Variants in ABHD17A observed in about 807,000 individuals in gnomAD.
ABHD17A encodes alpha/beta hydrolase domain-containing protein 17A.
ABHD17A carries 10 observed loss-of-function variants against 26.8 expected under a neutral mutation model. The observed-to-expected ratio is 0.37, with a 90% confidence interval of 0.23 to 0.63. The LOEUF is 0.63. Among genes scored for constraint, ABHD17A ranks in the 30% least tolerant of loss-of-function variants. ABHD17A has a pLI of 0.61. For missense variants in ABHD17A, 292 were observed against 457.3 expected, an observed-to-expected ratio of 0.64 and a Z score of 3.30; for synonymous variants, 167 against 210.9, an observed-to-expected ratio of 0.79 and a Z score of 1.80.
Position 1,879,531 on chromosome 19 carries a change from C to T in ABHD17A, c.527+390G>A, listed in dbSNP as rs1312766396. The T allele has an allele frequency of 2.0e-5, 6 of 300,630 alleles. No homozygotes were observed. Among genetic ancestry groups the T allele is most frequent in the Admixed American group, 4.8e-5 (1 of 20,702 alleles). The allele number at this position is 300,630 out of a possible 1,614,324, so 18.6% of individuals were successfully genotyped here. A position where few individuals can be genotyped will look rare whatever the true frequency, so the allele number is the denominator to read the frequency against. On this transcript the variant is annotated intron_variant, in intron 3 of 4. Coordinates refer to ENST00000292577, the MANE Select transcript of ABHD17A (RefSeq NM_001130111.2). This position sits in a 1 kb window ranked among gnomAD's most constrained non-coding sequence, Gnocchi z 7.6. Reference sequence around the variant, plus strand: ...CCTCCGGACCTGGATGCAGCAGCCTCGCCTCACTTGGCCCCAAGTGCTGCC... The same window carrying T: ...CCTCCGGACCTGGATGCAGCAGCCTTGCCTCACTTGGCCCCAAGTGCTGCC...
chr19:1,879,833 T>C lies in ABHD17A; in HGVS notation c.527+88A>G, dbSNP rs2012470157. 7.3e-7 allele frequency: 1 copy of C among 1,377,764 alleles called. No individual in the cohort carries two copies. Among genetic ancestry groups the C allele is most frequent in the Non-Finnish European group, 9.9e-7 (1 of 1,013,766 alleles). 85.3% of individuals were successfully genotyped at this position (1,377,764 alleles called of 1,614,324 possible). A position where few individuals can be genotyped will look rare whatever the true frequency, so the allele number is the denominator to read the frequency against. ...CTCCCCTCCTGCAGGGCCGCCCACCTTCCTCCCAGGGAAGCCCGCCCCCCG... is the reference window on the plus strand; with the variant it reads ...CTCCCCTCCTGCAGGGCCGCCCACCCTCCTCCCAGGGAAGCCCGCCCCCCG... On this transcript the variant is annotated intron_variant, in intron 3 of 4. Transcript: ENST00000292577. The surrounding 1 kb of genome is among the most constrained non-coding windows in gnomAD (Gnocchi z 7.6).
chr19:1,878,245 A>T (rs2012428544), intron 3 of ABHD17A: 1 of 154,312 alleles, frequency 6.5e-6, no homozygotes, highest in Non-Finnish European at 1.4e-5. Flanking sequence ...ATGCCAGTGC[A>T]ACCCAGGTCA....
chr19:1,877,134 G>T lies in ABHD17A; in HGVS notation c.*66C>A. 6.8e-7 allele frequency: 1 copy of T among 1,462,064 alleles called. No individual in the cohort carries two copies. 90.6% of individuals were successfully genotyped at this position (1,462,064 alleles called of 1,614,324 possible). ...GGGGTCCACATGCAGCCCCTGGGTG[G>T]GGGCCGGCGCGGGGTGAGGTCCGGG... On this transcript the variant is annotated 3_prime_UTR_variant, in exon 5 of 5. Transcript: ENST00000292577.
At chr19:1,877,874 G>A (rs1408935962) in intron 3 of ABHD17A, 187 bp from the exon 4 acceptor site, 5 of 589,712 alleles carry the variant, frequency 8.5e-6, no homozygotes, top group African/African-American at 3.9e-5. Flanking sequence ...CGTGGCGGTG[G>A]GCGAAGCCAG....
In ABHD17A at chr19:1,881,345, G is replaced by A. The variant is rs746811494; in HGVS notation, c.222C>T (p.Ala74=). ...GRWKLHLTER[A]DFQYSQRELD... is the part of the protein sequence containing the mutation. ...GCTCGCGCTGGCTGTACTGGAAGTC[G>A]GCACGCTCCGTCAGGTGCAGCTTCC... The change falls in exon 2 of 5, where the codon GCC becomes GCT. Residue 74 remains alanine (A), a synonymous_variant. Coordinates refer to ENST00000292577, the MANE Select transcript of ABHD17A (RefSeq NM_001130111.2). 9.4e-5 allele frequency: 152 copies of A among 1,609,802 alleles called. No individual in the cohort carries two copies. Among genetic ancestry groups the A allele is most frequent in the Non-Finnish European group, 1.1e-4 (132 of 1,179,650 alleles).
Position 1,877,511 on chromosome 19 carries a change from G to C in ABHD17A, c.704C>G (p.Pro235Arg). Residue 235 changes from proline (P) to arginine (R), a missense_variant, in exon 4 of 5, where the codon CCT becomes CGT. By Grantham distance (103) the Pro-to-Arg change is moderately radical. Around this residue, in one of 4 missense-constraint regions of ABHD17A, gnomAD observed 88 missense variants for 134.3 expected, o/e 0.66. Coordinates refer to ENST00000292577, the MANE Select transcript of ABHD17A (RefSeq NM_001130111.2). ...CGTCCCCGCCCGGGCCGCTCACTTA[G>C]GGAAGGCGTCGAAGCAGTAGGTCTT... ...TKKTYCFDAF[P>R]NIEKVSKITS... The C allele has an allele frequency of 1.3e-6, 2 of 1,594,532 alleles. No homozygotes were observed. Among genetic ancestry groups the C allele is most frequent in the Non-Finnish European group, 1.7e-6 (2 of 1,178,492 alleles).
Position 1,879,674 on chromosome 19 carries a change from G to A in ABHD17A, c.527+247C>T, listed in dbSNP as rs2012466701. ...TCAGCCCCTTCCCATCCTCAGGCCAGGGGTTCCCAGGGAACCTGGCTCCAC... is the reference window on the plus strand; with the variant it reads ...TCAGCCCCTTCCCATCCTCAGGCCAAGGGTTCCCAGGGAACCTGGCTCCAC... On this transcript the variant is annotated intron_variant, in intron 3 of 4. Transcript: ENST00000292577. This position sits in a 1 kb window ranked among gnomAD's most constrained non-coding sequence, Gnocchi z 7.6. 1 of 559,062 alleles carries A rather than the reference G, an allele frequency of 1.8e-6. No homozygotes were observed. Among genetic ancestry groups the A allele is most frequent in the Non-Finnish European group, 3.2e-6 (1 of 310,138 alleles). 34.6% of individuals were successfully genotyped at this position (559,062 alleles called of 1,614,324 possible). A position where few individuals can be genotyped will look rare whatever the true frequency, so the allele number is the denominator to read the frequency against.
chr19:1,881,199 G>C (rs748778941), intron 2 of ABHD17A, 36 bp downstream of exon 2: 3 of 1,609,224 alleles, frequency 1.9e-6, no homozygotes, highest in Non-Finnish European at 2.5e-6. Flanking sequence ...CCCAAGAACA[G>C]GGTGACCCAG....
At chr19:1,877,464 G>A (rs1443823800) in intron 4 of ABHD17A, 39 bp from the exon 5 acceptor site, 4 of 1,572,850 alleles carry the variant, frequency 2.5e-6, no homozygotes, top group South Asian at 1.1e-5. Flanking sequence ...CTTCGCGCCC[G>A]GCCCGGGCCC....
At chr19:1,881,135 G>C (rs367592899) in intron 2 of ABHD17A, 100 bp downstream of exon 2, 13 of 1,556,998 alleles carry the variant, frequency 8.3e-6, no homozygotes, top group East Asian at 4.7e-5. Context: ...CGGCAGGCTC[G>C]GGCCCTCGGG....
Position 1,881,430 on chromosome 19 carries a change from C to T in ABHD17A, c.137G>A (p.Gly46Asp). Reference protein sequence around the residue: ...SLVPEPEPGPGGAGAAPLGTL... With the variant: ...SLVPEPEPGPDGAGAAPLGTL... ...CCCCAAGGGGGCGGCCCCGGCCCCACCAGGCCCCGGCTCGGGCTCAGGCAC... is the reference window on the plus strand; with the variant it reads ...CCCCAAGGGGGCGGCCCCGGCCCCATCAGGCCCCGGCTCGGGCTCAGGCAC... Residue 46 changes from glycine (G) to aspartate (D), a missense_variant, in exon 2 of 5, where the codon GGT becomes GAT. Transcript: ENST00000292577. 6.2e-7 allele frequency: 1 copy of T among 1,602,178 alleles called. No individual in the cohort carries two copies. Among genetic ancestry groups the T allele is most frequent in the Non-Finnish European group, 8.5e-7 (1 of 1,178,088 alleles).
Position 1,877,192 on chromosome 19 carries a change from G to A in ABHD17A, c.*8C>T. On this transcript the variant is annotated 3_prime_UTR_variant, in exon 5 of 5. Coordinates refer to ENST00000292577, the MANE Select transcript of ABHD17A (RefSeq NM_001130111.2). ...TTATTGCTGAGGTCCGGCCGGTTGGGGCCGCCGCTAGGCGCGCTGGCTGGG... is the reference window on the plus strand; with the variant it reads ...TTATTGCTGAGGTCCGGCCGGTTGGAGCCGCCGCTAGGCGCGCTGGCTGGG... 1 of 1,418,206 alleles carries A rather than the reference G, an allele frequency of 7.1e-7. No homozygotes were observed. The highest frequency in any genetic ancestry group is 1.4e-5 in the African/African-American group (1 of 70,726). 87.9% of individuals were successfully genotyped at this position (1,418,206 alleles called of 1,614,324 possible).
chr19:1,876,866 C>CCGAT lies in ABHD17A; in HGVS notation c.*330_*333dup, dbSNP rs2012370106. 2.8e-6 allele frequency: 1 copy of CCGAT among 357,908 alleles called. No homozygotes were observed. The highest frequency in any genetic ancestry group is 7.2e-5 in the East Asian group (1 of 13,822). 22.2% of individuals were successfully genotyped at this position (357,908 alleles called of 1,614,324 possible). A position where few individuals can be genotyped will look rare whatever the true frequency, so the allele number is the denominator to read the frequency against. ...AGTAAAACCTATAAGGGGGTCCGTG[C>CCGAT]CGATCTCTCCTAGGGACTCAGGGAC... On this transcript the variant is annotated 3_prime_UTR_variant, in exon 5 of 5. Transcript: ENST00000292577.
At chr19:1,881,055 G>A in intron 2 of ABHD17A, 180 bp downstream of exon 2, 1 of 1,603,158 alleles carries the variant, frequency 6.2e-7, no homozygotes, top group South Asian at 1.1e-5. Context: ...TTGTCTGCGA[G>A]AGAAAATTGC....
chr19:1,881,180 A>T (rs2012514603), intron 2 of ABHD17A, 55 bp downstream of exon 2: 1 of 1,602,706 alleles, frequency 6.2e-7, no homozygotes, highest in African/African-American at 1.3e-5. Flanking sequence ...CGCAGGCAGA[A>T]ACGGGAGCCC....
rs2012371049 is a variant in ABHD17A, at chr19:1,876,905, C to T, written c.*295G>A. 4 of 443,394 alleles carry T rather than the reference C, an allele frequency of 9.0e-6. No individual in the cohort carries two copies. In the East Asian group the frequency reaches 1.9e-4, roughly 21 times the overall value. 27.5% of individuals were successfully genotyped at this position (443,394 alleles called of 1,614,324 possible). Reference sequence around the variant, plus strand: ...GGACTCAGGGACGAAACCTGGGAACCCCGGCCCCCTTTCGAGCTCGCTGAG... The same window carrying T: ...GGACTCAGGGACGAAACCTGGGAACTCCGGCCCCCTTTCGAGCTCGCTGAG... On this transcript the variant is annotated 3_prime_UTR_variant, in exon 5 of 5. Transcript: ENST00000292577.
chr19:1,881,813 G>A lies in ABHD17A; in HGVS notation c.-238-9C>T, dbSNP rs1012790635. The A allele has an allele frequency of 3.4e-5, 17 of 502,702 alleles. No individual in the cohort carries two copies. Among genetic ancestry groups the A allele is most frequent in the African/African-American group, 6.2e-5 (3 of 48,308 alleles). The allele number at this position is 502,702 out of a possible 1,614,324, so 31.1% of individuals were successfully genotyped here. A position where few individuals can be genotyped will look rare whatever the true frequency, so the allele number is the denominator to read the frequency against. On this transcript the variant is annotated splice_polypyrimidine_tract_variant and intron_variant, in intron 1 of 4. Coordinates refer to ENST00000292577, the MANE Select transcript of ABHD17A (RefSeq NM_001130111.2). The stretch of plus-strand genomic sequence containing the variant: ...TCGTGCCGTGGGAAGCCCTGCGGGG[G>A]AACAGTGACATGTGGGGTCCTTTGG...
In ABHD17A at chr19:1,881,323, C is replaced by T. The variant is rs756597505; in HGVS notation, c.244G>A (p.Glu82Lys). ...GGGAAGACCTCGATGGTGTCCAGCT[C>T]GCGCTGGCTGTACTGGAAGTCGGCA... The part of the protein sequence containing the change: ...ERADFQYSQR[E>K]LDTIEVFPTK... Residue 82 changes from glutamate to lysine, a missense_variant, in exon 2 of 5, where the codon GAG becomes AAG. By Grantham distance (56) the Glu-to-Lys change is moderately conservative. This residue lies in a region of ABHD17A where 171 missense variants were observed against 216.1 expected (regional missense o/e 0.79). Transcript: ENST00000292577. 25 of 1,610,582 alleles carry T rather than the reference C, an allele frequency of 1.6e-5. No individual in the cohort carries two copies. The African/African-American group carries it at 2.4e-4, about 15-fold the overall frequency.
In ABHD17A at chr19:1,877,155, C is replaced by T; in HGVS notation, c.*45G>A. On this transcript the variant is annotated 3_prime_UTR_variant, in exon 5 of 5. Transcript: ENST00000292577. ...GGTGGGGGCCGGCGCGGGGTGAGGT[C>T]CGGGGGCCGCCTTATTGCTGAGGTC... The T allele has an allele frequency of 7.0e-7, 1 of 1,438,718 alleles. No homozygotes were observed. The highest frequency in any genetic ancestry group is 9.4e-7 in the Non-Finnish European group (1 of 1,066,148). 89.1% of individuals were successfully genotyped at this position (1,438,718 alleles called of 1,614,324 possible).
Sources: allele counts gnomAD v4.1 joint callset, GRCh38; gene constraint gnomAD v4.1.1; regional missense constraint gnomAD v4.1.1; non-coding constraint Gnocchi (gnomAD v3.1); transcripts MANE v1.5; gene names NCBI Gene and HGNC (gene_info 2026-07-23, HGNC 2026-07-21).